The following ARSJ variants were observed in gnomAD, a reference collection of about 807,000 sequenced individuals.
The protein encoded by ARSJ is arylsulfatase family member J, also known as arylsulfatase J.
In ARSJ, 26 loss-of-function variants were observed where a neutral mutation model predicts 35.9. That is an observed-to-expected ratio of 0.72 (90% CI 0.53 to 1.00). The LOEUF is 1.00. Among genes scored for constraint, ARSJ ranks in the 50% least tolerant of loss-of-function variants. The pLI, the probability that ARSJ is intolerant of heterozygous loss-of-function variation, is 0.00. For missense variants in ARSJ, 667 were observed against 723.6 expected, an observed-to-expected ratio of 0.92 and a Z score of 0.90; for synonymous variants, 294 against 267.6, an observed-to-expected ratio of 1.10 and a Z score of -0.96.
At chr4:113,918,914 T>G (rs1723488526) in intron 1 of ARSJ, among the ~76,000 whole-genome samples, 1 of 151,998 alleles carries the variant, frequency 6.6e-6, no homozygotes, top group Non-Finnish European at 1.5e-5. Context: ...CACCTCAGCC[T>G]CCTGAGTAGC....
At chr4:113,960,322 T>C (rs1484604471) in intron 1 of ARSJ, among the ~76,000 whole-genome samples, 2 of 152,076 alleles carry the variant, frequency 1.3e-5, no homozygotes, top group Non-Finnish European at 2.9e-5. Flanking sequence ...ACTGGGCTAT[T>C]GAATTTGATG....
intron 1 of ARSJ, among the ~76,000 whole-genome samples, chr4:113,921,082 TACAC>T (rs746326993): frequency 2.8e-3 from 367 of 129,616 alleles, no homozygotes; most frequent in Middle Eastern, 0.012. Flanking sequence ...TTCCCTGAAA[TACAC>T]ACACACACAC....
intron 1 of ARSJ, among the ~76,000 whole-genome samples, chr4:113,908,659 G>T (rs961978216): frequency 3.9e-5 from 6 of 152,040 alleles, no homozygotes; most frequent in African/African-American, 1.4e-4. Flanking sequence ...CTGAAAAATA[G>T]TATTCAATAT....
chr4:113,916,721 A>G (rs934856744), intron 1 of ARSJ, among the ~76,000 whole-genome samples: 1 of 152,182 alleles, frequency 6.6e-6, no homozygotes, highest in African/African-American at 2.4e-5. Flanking sequence ...CCAATTGCCA[A>G]ACTGAAGTTC....
intron 1 of ARSJ, among the ~76,000 whole-genome samples, chr4:113,927,923 T>G (rs1724178969): frequency 6.6e-6 from 1 of 152,196 alleles, no homozygotes; most frequent in African/African-American, 2.4e-5. Flanking sequence ...GGCTCCCATT[T>G]GGCCTTTCCC....
At chr4:113,911,302 G>C (rs72893446) in intron 1 of ARSJ, among the ~76,000 whole-genome samples, 11,252 of 152,186 alleles carry the variant, frequency 0.074, 475 homozygotes, top group South Asian at 0.15. Context: ...TTAGAGGATA[G>C]AGCTGTACTA....
At chr4:113,927,794 T>A (rs1430478488) in intron 1 of ARSJ, among the ~76,000 whole-genome samples, 1 of 152,174 alleles carries the variant, frequency 6.6e-6, no homozygotes, top group Non-Finnish European at 1.5e-5. Flanking sequence ...GGGGATGTGG[T>A]GGGAATCACC....
intron 1 of ARSJ, among the ~76,000 whole-genome samples, chr4:113,973,026 C>T (rs917859093): frequency 6.6e-6 from 1 of 152,154 alleles, no homozygotes; most frequent in Non-Finnish European, 1.5e-5. Flanking sequence ...CAGGCCTTTC[C>T]GGAACCTGAT....
chr4:113,918,829 G>A (rs544563519), intron 1 of ARSJ, among the ~76,000 whole-genome samples: 52 of 152,188 alleles, frequency 3.4e-4, no homozygotes, highest in Non-Finnish European at 6.6e-4. Flanking sequence ...GTCTCATTCT[G>A]TCACCCAGGC....
In ARSJ at chr4:113,903,165, T is replaced by G; in HGVS notation, c.909A>C (p.Ala303=). The G allele has an allele frequency of 6.2e-7, 1 of 1,614,196 alleles. No homozygotes were observed. Among genetic ancestry groups the G allele is most frequent in the Non-Finnish European group, 8.5e-7 (1 of 1,180,016 alleles). Residue 303 remains alanine, a synonymous_variant, in exon 2 of 2, where the codon GCA becomes GCC. Transcript: ENST00000315366. ...TTAGAGCCAATGTCACGTTGTTGAT[T>G]GCTTCATCTAAGCAGGAAAGCATGG... The part of the protein sequence containing the change: ...YAAMLSCLDE[A]INNVTLALKT...
intron 1 of ARSJ, among the ~76,000 whole-genome samples, chr4:113,930,568 T>A (rs1438924396): frequency 6.6e-6 from 1 of 152,164 alleles, no homozygotes; most frequent in Non-Finnish European, 1.5e-5. Context: ...GTTTTTGCTC[T>A]TAGTAAATTA....
chr4:113,935,433 AG>A (rs1210886819), intron 1 of ARSJ, among the ~76,000 whole-genome samples: 1 of 151,906 alleles, frequency 6.6e-6, no homozygotes, highest in Non-Finnish European at 1.5e-5. Flanking sequence ...GAGCTAAATA[AG>A]AAGGACAAGA....
chr4:113,930,873 T>C (rs1002972706), intron 1 of ARSJ, among the ~76,000 whole-genome samples: 19 of 149,810 alleles, frequency 1.3e-4, no homozygotes, highest in African/African-American at 4.4e-4. Context: ...ATGTCCTTTG[T>C]AGGGACATGG....
intron 1 of ARSJ, among the ~76,000 whole-genome samples, chr4:113,951,006 T>C (rs1562365589): frequency 6.6e-6 from 1 of 152,030 alleles, no homozygotes; most frequent in East Asian, 1.9e-4. Flanking sequence ...AAATGGAAGT[T>C]TTAAAAATGC....
chr4:113,926,400 G>T (rs1724067471), intron 1 of ARSJ, among the ~76,000 whole-genome samples: 1 of 152,134 alleles, frequency 6.6e-6, no homozygotes, highest in Non-Finnish European at 1.5e-5. Flanking sequence ...TTCCTTCGGG[G>T]ATGTCCTAGA....
chr4:113,932,271 G>A (rs1724501696), intron 1 of ARSJ, among the ~76,000 whole-genome samples: 1 of 151,782 alleles, frequency 6.6e-6, no homozygotes, highest in Non-Finnish European at 1.5e-5. Flanking sequence ...TCATAGTAGC[G>A]AACTTCAACA....
At position 113,902,048 on chromosome 4, in the gene ARSJ, A is replaced by T; in HGVS notation, c.*226T>A. The T allele has an allele frequency of 7.4e-7, 1 of 1,352,808 alleles. No homozygotes were observed. The highest frequency in any genetic ancestry group is 1.0e-6 in the Non-Finnish European group (1 of 1,003,040). The allele number at this position is 1,352,808 out of a possible 1,614,324, so 83.8% of individuals were successfully genotyped here. On this transcript the variant is annotated 3_prime_UTR_variant, in exon 2 of 2. Transcript: ENST00000315366. ...TTCTAAAGGAGCAAGAGAAATAAAC[A>T]TCTCCACTCTCTCTAAGTGTGGCTT...
intron 1 of ARSJ, among the ~76,000 whole-genome samples, chr4:113,954,010 G>C (rs1287846878): frequency 1.3e-5 from 2 of 151,924 alleles, no homozygotes; most frequent in Non-Finnish European, 2.9e-5. Context: ...TAATAAGCAT[G>C]GTTCTTTATA....
chr4:113,947,820 T>C (rs766790217), intron 1 of ARSJ, among the ~76,000 whole-genome samples: 1 of 152,146 alleles, frequency 6.6e-6, no homozygotes, highest in Non-Finnish European at 1.5e-5. Flanking sequence ...TGGCAAAACA[T>C]ATTATCCAAT....
Sources: gnomAD v4.1 joint callset for allele counts (sites outside exome capture counted in the v4.1 genomes callset) on GRCh38, gnomAD v4.1.1 for gene constraint, MANE v1.5 for transcripts, NCBI Gene and HGNC (gene_info 2026-07-23, HGNC 2026-07-21) for gene names.